Variants in HLX observed in about 807,000 individuals in gnomAD.
The protein encoded by HLX is H2.0-like homeobox protein.
A neutral mutation model predicts 27.7 loss-of-function variants in HLX; 6 were observed. The observed-to-expected ratio is 0.22, with a 90% CI of 0.12 to 0.43. The LOEUF is 0.43. Among genes scored for constraint, HLX ranks in the 20% least tolerant of loss-of-function variants. The pLI, the probability that HLX is intolerant of heterozygous loss-of-function variation, is 1.00. For synonymous variants in HLX, 328 were observed against 293.8 expected, an observed-to-expected ratio of 1.12 and a Z score of -1.19; for missense variants, 666 against 655.2, an observed-to-expected ratio of 1.02 and a Z score of -0.18.
At chr1:220,881,166 A>T in intron 1 of HLX, 28 bp from the exon 2 acceptor site, 1 of 1,603,886 alleles carries the variant, frequency 6.2e-7, no homozygotes, top group Non-Finnish European at 8.5e-7. Context: ...CCGAGATGTA[A>T]CCTGCTATCC....
At position 220,879,971 on chromosome 1, in the gene HLX, C is replaced by G. The variant is rs770880618; in HGVS notation, c.114C>G (p.Ala38=). 3.8e-6 allele frequency: 6 copies of G among 1,598,798 alleles called. No individual in the cohort carries two copies. The highest frequency in any genetic ancestry group is 2.2e-5 in the East Asian group (1 of 44,804). Residue 38 remains alanine (A), a synonymous_variant, in exon 1 of 4, where the codon GCC becomes GCG. Transcript: ENST00000366903. ...GGCSFPLDPA[A]VKKPSFCIAD... ...GCTCCTTCCCCTTGGACCCCGCCGC[C>G]GTCAAAAAGCCCTCCTTCTGCATCG...
intron 3 of HLX, chr1:220,883,597 C>G: frequency 6.5e-6 from 1 of 153,506 alleles, no homozygotes; most frequent in East Asian, 1.9e-4. Context: ...TTACTGAAAG[C>G]CCAACAATGC....
At chr1:220,883,622 G>A (rs999522878) in intron 3 of HLX, 1 of 156,974 alleles carries the variant, frequency 6.4e-6, no homozygotes, top group African/African-American at 2.4e-5. Context: ...ACCCTACTGT[G>A]ATTAACAGTT....
At position 220,881,972 on chromosome 1, in the gene HLX, G is replaced by T. The variant is rs561117332; in HGVS notation, c.773-192G>T. On this transcript the variant is annotated intron_variant, in intron 2 of 3. Transcript: ENST00000366903. ...ACTCCACGCTCGCTTTAGGTCTTCC[G>T]ACTGTCGTGTAAAATTCCTCCTTAG... The T allele has an allele frequency of 7.3e-6, 5 of 685,658 alleles. No individual in the cohort carries two copies. The South Asian group carries it at 7.5e-5, about 10-fold the overall frequency. 42.5% of individuals were successfully genotyped at this position (685,658 alleles called of 1,614,324 possible).
rs71167242 is a variant in HLX at position 220,881,763 on chromosome 1, AACACACACACACACACACAC to A, written c.773-370_773-351del. 1,116 of 306,756 alleles carry A rather than the reference AACACACACACACACACACAC, an allele frequency of 3.6e-3. 3 individuals are homozygous for A. Among genetic ancestry groups the A allele is most frequent in the South Asian group, 0.026 (940 of 35,958 alleles). The allele number at this position is 306,756 out of a possible 1,614,324, so 19.0% of individuals were successfully genotyped here. ...GGGTGCCTGGACACATGCGGGAATA[AACACACACACACACACACAC>A]ACACACACACACACACACACACACA... On this transcript the variant is annotated intron_variant, in intron 2 of 3. Transcript: ENST00000366903.
chr1:220,884,115 G>A lies in HLX; in HGVS notation c.958-80G>A, dbSNP rs1674515998. On this transcript the variant is annotated intron_variant, in intron 3 of 3. Transcript: ENST00000366903. This position sits in a 1 kb window ranked among gnomAD's most constrained non-coding sequence, Gnocchi z 4.9. Reference sequence around the variant, plus strand: ...TTTTTCACTCAGGGAGGTGGCTTGAGGGTGCACGCGAGTCGGATAGGAGCA... The same window carrying A: ...TTTTTCACTCAGGGAGGTGGCTTGAAGGTGCACGCGAGTCGGATAGGAGCA... The A allele has an allele frequency of 7.0e-7, 1 of 1,421,806 alleles. No individual in the cohort carries two copies. The allele number at this position is 1,421,806 out of a possible 1,614,324, so 88.1% of individuals were successfully genotyped here. A position where few individuals can be genotyped will look rare whatever the true frequency, so the allele number is the denominator to read the frequency against.
chr1:220,882,680 C>T (rs1674482250), intron 3 of HLX: 1 of 282,880 alleles, frequency 3.5e-6, no homozygotes, highest in African/African-American at 2.2e-5. Flanking sequence ...TAGTGCAATT[C>T]GCTGTAGGAG....
At position 220,884,025 on chromosome 1, in the gene HLX, T is replaced by C; in HGVS notation, c.958-170T>C. ...CCTGGCTTCTTGTGTTCCCCTGGGC[T>C]GCCCCTTGGCTCCTGCGCCTACCAC... On this transcript the variant is annotated intron_variant, in intron 3 of 3. Transcript: ENST00000366903. The surrounding 1 kb of genome is among the most constrained non-coding windows in gnomAD (Gnocchi z 4.9). 1.5e-6 allele frequency: 1 copy of C among 675,648 alleles called. No homozygotes were observed. Among genetic ancestry groups the C allele is most frequent in the South Asian group, 1.8e-5 (1 of 56,054 alleles). The allele number at this position is 675,648 out of a possible 1,614,324, so 41.9% of individuals were successfully genotyped here. A position where few individuals can be genotyped will look rare whatever the true frequency, so the allele number is the denominator to read the frequency against.
chr1:220,884,129 C>T lies in HLX; in HGVS notation c.958-66C>T. ...AGGTGGCTTGAGGGTGCACGCGAGT[C>T]GGATAGGAGCAAACCTGGGTCTCAT... On this transcript the variant is annotated intron_variant, in intron 3 of 3. Coordinates refer to ENST00000366903, the MANE Select transcript of HLX (RefSeq NM_021958.4). This position sits in a 1 kb window ranked among gnomAD's most constrained non-coding sequence, Gnocchi z 4.9. 1 of 1,542,666 alleles carries T rather than the reference C, an allele frequency of 6.5e-7. No individual in the cohort carries two copies.
At position 220,881,306 on chromosome 1, in the gene HLX, A is replaced by C. The variant is rs146391223; in HGVS notation, c.705A>C (p.Ala235=). 4.4e-3 allele frequency: 7,125 copies of C among 1,614,110 alleles called. 182 individuals are homozygous for C. In the South Asian group the frequency reaches 0.047, roughly 11 times the overall value. The change falls in exon 2 of 4, where the codon GCA becomes GCC. Residue 235 remains alanine, a synonymous_variant. Transcript: ENST00000366903. ...ASLDPINEAS[A]ILSPLNSNPR... ...TAGATCCCATTAACGAGGCTTCTGCAATCCTGAGTCCCTTAAACTCGAACC... is the reference window on the plus strand; with the variant it reads ...TAGATCCCATTAACGAGGCTTCTGCCATCCTGAGTCCCTTAAACTCGAACC...
Position 220,884,181 on chromosome 1 carries a change from G to A in HLX, c.958-14G>A. 1 of 1,613,822 alleles carries A rather than the reference G, an allele frequency of 6.2e-7. No homozygotes were observed. Among genetic ancestry groups the A allele is most frequent in the Non-Finnish European group, 8.5e-7 (1 of 1,179,932 alleles). On this transcript the variant is annotated splice_polypyrimidine_tract_variant and intron_variant, in intron 3 of 3. Transcript: ENST00000366903. This position sits in a 1 kb window ranked among gnomAD's most constrained non-coding sequence, Gnocchi z 4.9. ...TCGGTGTCTCTTCTTGTCTCCCGGT[G>A]TGGCGCGGCGCAGGTGAAGGTGTGG...
In HLX at chr1:220,882,186, G is replaced by A. The variant is rs1218176906; in HGVS notation, c.795G>A (p.Lys265=). ...TFPGPYAVLT[K]DTMPQTYKRK... is the part of the protein sequence containing the mutation. ...CAGGTCCCTATGCTGTGCTCACGAA[G>A]GACACCATGCCGCAGACGTACAAAA... The change falls in exon 3 of 4, where the codon AAG becomes AAA. Residue 265 remains lysine, a synonymous_variant. Coordinates refer to ENST00000366903, the MANE Select transcript of HLX (RefSeq NM_021958.4). 1 of 1,614,174 alleles carries A rather than the reference G, an allele frequency of 6.2e-7. No individual in the cohort carries two copies. The highest frequency in any genetic ancestry group is 8.5e-7 in the Non-Finnish European group (1 of 1,180,012).
rs112404524 is a variant in HLX at position 220,884,448 on chromosome 1, C to T, written c.1211C>T (p.Thr404Ile). 1.2e-6 allele frequency: 2 copies of T among 1,614,208 alleles called. No individual in the cohort carries two copies. Among genetic ancestry groups the T allele is most frequent in the African/African-American group, 1.3e-5 (1 of 75,054 alleles). The change falls in exon 4 of 4, where the codon ACA becomes ATA. Residue 404 changes from threonine (T) to isoleucine (I), a missense_variant. By Grantham distance (89) the Thr-to-Ile change is moderately conservative. Transcript: ENST00000366903. This position sits in a 1 kb window ranked among gnomAD's most constrained non-coding sequence, Gnocchi z 4.9. ...TEGSERSLHQ[T>I]TVIKAPVTGA... The stretch of plus-strand genomic sequence containing the variant: ...GGGAGTGAGCGTTCTCTGCACCAAA[C>T]AACAGTTATTAAGGCCCCGGTCACT...
chr1:220,880,959 T>C (rs912998468), intron 1 of HLX: 1 of 546,382 alleles, frequency 1.8e-6, no homozygotes. Context: ...AGCCGATTTA[T>C]GTAAAGCCTT....
chr1:220,880,359 G>A lies in HLX; in HGVS notation c.502G>A (p.Ala168Thr). Residue 168 changes from alanine (A) to threonine (T), a missense_variant, in exon 1 of 4, where the codon GCC (alanine) becomes ACC (threonine). By Grantham distance (58) the Ala-to-Thr change is moderately conservative. Coordinates refer to ENST00000366903, the MANE Select transcript of HLX (RefSeq NM_021958.4). ...CCCCCACCACAGTGGCTCTGCCCCG[G>A]CCCCCTCCAGCAAAGACCTCAAATT... ...PNPHHSGSAPAPSSKDLKFGI... is the reference protein window; with the variant it reads ...PNPHHSGSAPTPSSKDLKFGI... 2 of 1,613,998 alleles carry A rather than the reference G, an allele frequency of 1.2e-6. No individual in the cohort carries two copies. The highest frequency in any genetic ancestry group is 1.7e-6 in the Non-Finnish European group (2 of 1,179,920).
chr1:220,883,993 C>T, intron 3 of HLX: 1 of 613,926 alleles, frequency 1.6e-6, no homozygotes, highest in South Asian at 2.0e-5. Context: ...TTCCCTAGGC[C>T]AGGATTCCTG....
In HLX at chr1:220,882,319, G is replaced by C; in HGVS notation, c.928G>C (p.Ala310Pro). The C allele has an allele frequency of 6.2e-7, 1 of 1,614,264 alleles. No individual in the cohort carries two copies. The highest frequency in any genetic ancestry group is 8.5e-7 in the Non-Finnish European group (1 of 1,180,050). ...YVTKPDRKQL[A>P]AMLGLTDAQV... ...GACCAAGCCGGACCGAAAGCAGCTGGCGGCGATGCTGGGCCTCACGGACGC... is the reference window on the plus strand; with the variant it reads ...GACCAAGCCGGACCGAAAGCAGCTGCCGGCGATGCTGGGCCTCACGGACGC... Residue 310 changes from alanine to proline, a missense_variant, in exon 3 of 4, where the codon GCG (alanine) becomes CCG (proline). By Grantham distance (27) the Ala-to-Pro change is conservative. Coordinates refer to ENST00000366903, the MANE Select transcript of HLX (RefSeq NM_021958.4).
At chr1:220,882,513 G>A in intron 3 of HLX, 165 bp downstream of exon 3, 1 of 634,484 alleles carries the variant, frequency 1.6e-6, no homozygotes, top group Non-Finnish European at 2.8e-6. Context: ...GGCAGGAGAA[G>A]AGGAGGGTGG....
rs1191825508 is a variant in HLX at position 220,884,708 on chromosome 1, G to C, written c.*4G>C. 6.2e-7 allele frequency: 1 copy of C among 1,607,620 alleles called. No homozygotes were observed. The highest frequency in any genetic ancestry group is 1.3e-5 in the African/African-American group (1 of 74,922). On this transcript the variant is annotated 3_prime_UTR_variant, in exon 4 of 4. Transcript: ENST00000366903. This position sits in a 1 kb window ranked among gnomAD's most constrained non-coding sequence, Gnocchi z 4.9. Reference sequence around the variant, plus strand: ...AGGCGCGCTTGGCTGCTTATAGACTGTACTAGGGCGGAGGGGATCCGGGCC... The same window carrying C: ...AGGCGCGCTTGGCTGCTTATAGACTCTACTAGGGCGGAGGGGATCCGGGCC...
Sources: allele counts gnomAD v4.1 joint callset, GRCh38; gene constraint gnomAD v4.1.1; non-coding constraint Gnocchi (gnomAD v3.1); transcripts MANE v1.5; gene names NCBI Gene and HGNC (gene_info 2026-07-23, HGNC 2026-07-21).